The following CASK variants were observed in gnomAD, a reference collection of about 807,000 sequenced individuals.
CASK encodes calcium/calmodulin dependent serine protein kinase, also known as peripheral plasma membrane protein CASK.
CASK carries 4 observed loss-of-function variants against 82.9 expected under a neutral mutation model. The ratio of observed to expected loss-of-function variants is 0.05; its 90% confidence interval spans 0.02 to 0.11. The LOEUF is 0.11. Among genes scored for constraint, CASK ranks in the 10% least tolerant of loss-of-function variants. CASK has a pLI of 1.00. For synonymous variants in CASK, 259 were observed against 253.5 expected (o/e 1.02, Z -0.20); for missense variants, 358 against 720.9 (o/e 0.50, Z 5.76).
chrX:41,671,956 C>A (rs930148510), intron 5 of CASK, among the ~76,000 whole-genome samples: 1 of 111,773 alleles, frequency 8.9e-6, no homozygotes, highest in Non-Finnish European at 1.9e-5. Context: ...GCCATTGTAT[C>A]CTGGTTGTTA....
chrX:41,768,436 A>G (rs1384664644), intron 3 of CASK, among the ~76,000 whole-genome samples: 1 of 111,043 alleles, frequency 9.0e-6, no homozygotes, highest in Non-Finnish European at 1.9e-5. Flanking sequence ...CTGTACATGT[A>G]TATGTGTATG....
At chrX:41,536,938 T>C (rs917497229) in intron 22 of CASK, among the ~76,000 whole-genome samples, 2 of 111,756 alleles carry the variant, frequency 1.8e-5, no homozygotes, top group Non-Finnish European at 3.8e-5. Flanking sequence ...CAAGAAAAAG[T>C]ATGCTTACAG....
At chrX:41,845,025 T>A (rs149461258) in intron 2 of CASK, among the ~76,000 whole-genome samples, 2 of 112,015 alleles carry the variant, frequency 1.8e-5, no homozygotes, top group East Asian at 2.8e-4. Context: ...TTCCATTCCA[T>A]TGTGGCCAGA....
intron 15 of CASK, 67 bp downstream of exon 15, chrX:41,578,273 G>T: frequency 1.3e-6 from 1 of 798,457 alleles, no homozygotes; most frequent in Non-Finnish European, 1.9e-6. Flanking sequence ...AGCATAGGTT[G>T]AAGTTAGTTG....
intron 12 of CASK, among the ~76,000 whole-genome samples, chrX:41,607,544 G>A (rs1410782778): frequency 8.9e-6 from 1 of 112,098 alleles, no homozygotes; most frequent in Non-Finnish European, 1.9e-5. Context: ...ATACACAATT[G>A]TGAAAACTTT....
chrX:41,570,316 C>A (rs1489866258), intron 15 of CASK, among the ~76,000 whole-genome samples: 1 of 111,250 alleles, frequency 9.0e-6, no homozygotes, highest in East Asian at 2.8e-4. Context: ...CCATGCCTGG[C>A]CGATAGTGCT....
At chrX:41,622,799 T>C (rs1039161524) in intron 10 of CASK, among the ~76,000 whole-genome samples, 165 bp from the exon 11 acceptor site, 1 of 111,564 alleles carries the variant, frequency 9.0e-6, no homozygotes, top group Non-Finnish European at 1.9e-5. Context: ...CTGGAACTGT[T>C]TGGGATTTCA....
intron 3 of CASK, among the ~76,000 whole-genome samples, chrX:41,765,958 A>G (rs1416567827): frequency 8.9e-6 from 1 of 112,274 alleles, no homozygotes; most frequent in African/African-American, 3.2e-5. Flanking sequence ...GATTGTATCA[A>G]TGTCAATATC....
At chrX:41,711,196 T>C (rs938885274) in intron 5 of CASK, among the ~76,000 whole-genome samples, 2 of 111,910 alleles carry the variant, frequency 1.8e-5, no homozygotes, top group Admixed American at 9.4e-5. Context: ...CTGTGGAATC[T>C]GATGCTATCT....
At chrX:41,572,984 A>T (rs1192718800) in intron 15 of CASK, among the ~76,000 whole-genome samples, 1 of 108,726 alleles carries the variant, frequency 9.2e-6, no homozygotes. Context: ...TGTTTTTAGT[A>T]CTTTATGACA....
chrX:41,690,156 T>A (rs2067517140), intron 5 of CASK, among the ~76,000 whole-genome samples: 1 of 111,667 alleles, frequency 9.0e-6, no homozygotes, highest in African/African-American at 3.3e-5. Flanking sequence ...GGGAAATTAA[T>A]CCCCTATGTA....
At chrX:41,724,474 G>C (rs1242741593) in intron 5 of CASK, among the ~76,000 whole-genome samples, 1 of 112,273 alleles carries the variant, frequency 8.9e-6, no homozygotes, top group African/African-American at 3.2e-5. Context: ...AATTAGCAGA[G>C]ACAAAATGTA....
chrX:41,603,131 T>C (rs1419206957), intron 12 of CASK, among the ~76,000 whole-genome samples: 1 of 112,365 alleles, frequency 8.9e-6, no homozygotes, highest in Non-Finnish European at 1.9e-5. Context: ...TTTATTATTC[T>C]AGACATTTAA....
chrX:41,651,954 T>C (rs911855716), intron 8 of CASK, among the ~76,000 whole-genome samples: 3 of 110,807 alleles, frequency 2.7e-5, no homozygotes, highest in African/African-American at 9.8e-5. Context: ...GGGTGACAGA[T>C]GCTATGGAGA....
chrX:41,547,391 A>T (rs1474165103), intron 21 of CASK, among the ~76,000 whole-genome samples: 1 of 110,834 alleles, frequency 9.0e-6, no homozygotes, highest in Admixed American at 9.7e-5. Context: ...GTTTCTGTAG[A>T]GTCTGGATTT....
intron 11 of CASK, among the ~76,000 whole-genome samples, chrX:41,612,514 G>A (rs1170241667): frequency 2.9e-5 from 3 of 105,196 alleles, no homozygotes; most frequent in Admixed American, 9.9e-5. Flanking sequence ...CAGCCACCCC[G>A]TCCGGGAAGG....
Position 41,857,499 on chromosome X carries a change from C to T in CASK, c.60-4272G>A, listed in dbSNP as rs139849746. Among the ~76,000 whole-genome samples, 323 of 111,738 alleles carry T rather than the reference C, an allele frequency of 2.9e-3. 1 individual carries two copies. The highest frequency in any genetic ancestry group is 2.9e-3 in the Non-Finnish European group (155 of 53,172). On this transcript the variant is annotated intron_variant, in intron 1 of 26. Coordinates refer to ENST00000378163, the MANE Select transcript of CASK (RefSeq NM_001367721.1). Reference sequence around the variant, plus strand: ...AGAGCAACTTAGAGGAAACACACTACACAATAAGACTTCAAATTACCATTA... The same window carrying T: ...AGAGCAACTTAGAGGAAACACACTATACAATAAGACTTCAAATTACCATTA...
chrX:41,586,887 G>A lies in CASK; in HGVS notation c.1314+20C>T. The A allele has an allele frequency of 9.8e-7, 1 of 1,024,793 alleles. No individual in the cohort carries two copies. The highest frequency in any genetic ancestry group is 3.0e-5 in the East Asian group (1 of 32,922). The allele number at this position is 1,024,793 out of a possible 1,213,427, so 84.5% of individuals were successfully genotyped here. On this transcript the variant is annotated intron_variant, in intron 14 of 26. Transcript: ENST00000378163. The stretch of plus-strand genomic sequence containing the variant: ...TTGAAAGTGAGGTTTCAGTTCTATG[G>A]AAGTTTAATTATTACTTACCATGAA...
At chrX:41,626,172 C>G (rs1208405767) in intron 10 of CASK, among the ~76,000 whole-genome samples, 2 of 109,780 alleles carry the variant, frequency 1.8e-5, no homozygotes, top group East Asian at 2.8e-4. Context: ...CAAGACAGCT[C>G]TACACTGAAA....
Sources: gnomAD v4.1 joint callset for allele counts (sites outside exome capture counted in the v4.1 genomes callset) on GRCh38, gnomAD v4.1.1 for gene constraint, MANE v1.5 for transcripts, NCBI Gene and HGNC (gene_info 2026-07-23, HGNC 2026-07-21) for gene names.